Variants in BRINP3 observed in about 807,000 individuals in gnomAD.
BRINP3 encodes the protein BMP/retinoic acid-inducible neural-specific protein 3.
Under a neutral mutation model 71.0 loss-of-function variants are expected in BRINP3, and 19 were observed. That is an observed-to-expected ratio of 0.27 (90% CI 0.19 to 0.39). The LOEUF (loss-of-function observed/expected upper bound fraction) is 0.39. Ranked by LOEUF, BRINP3 falls within the 10% of genes least tolerant of loss-of-function variation. The probability of loss-of-function intolerance (pLI) is 1.00; values close to 1 mark genes in which losing one functional copy is unlikely to be tolerated. For synonymous variants in BRINP3, 380 were observed against 337.7 expected (o/e 1.13, Z -1.37); for missense variants, 959 against 940.8 (o/e 1.02, Z -0.25).
intron 4 of BRINP3, among the ~76,000 whole-genome samples, chr1:190,241,296 A>T (rs538803899): frequency 3.2e-4 from 48 of 152,210 alleles, no homozygotes; most frequent in African/African-American, 1.2e-3. Flanking sequence ...ATCTGGATGA[A>T]GTAGTTATCA....
chr1:190,159,361 C>G (rs933553192), intron 7 of BRINP3, among the ~76,000 whole-genome samples: 2 of 152,042 alleles, frequency 1.3e-5, no homozygotes, highest in African/African-American at 4.8e-5. Flanking sequence ...CATTTCTCCA[C>G]TTTGGTATAT....
chr1:190,404,039 AAG>A (rs1672107780), intron 2 of BRINP3, among the ~76,000 whole-genome samples: 1 of 152,204 alleles, frequency 6.6e-6, no homozygotes, highest in Admixed American at 6.5e-5. Context: ...AAAAAGTTCT[AAG>A]AGAGCTCAGG....
intron 2 of BRINP3, among the ~76,000 whole-genome samples, chr1:190,378,312 T>C (rs1253021712): frequency 6.6e-6 from 1 of 152,196 alleles, no homozygotes; most frequent in Non-Finnish European, 1.5e-5. Context: ...ATGTTTCTTT[T>C]ACATTGCTCT....
At chr1:190,334,521 G>A (rs1025186042) in intron 2 of BRINP3, among the ~76,000 whole-genome samples, 2 of 151,408 alleles carry the variant, frequency 1.3e-5, no homozygotes, top group Non-Finnish European at 3.0e-5. Context: ...CCTTATTTGA[G>A]GTGCATGACT....
intron 2 of BRINP3, among the ~76,000 whole-genome samples, chr1:190,332,639 T>A (rs1366038648): frequency 6.6e-6 from 1 of 151,978 alleles, no homozygotes; most frequent in Non-Finnish European, 1.5e-5. Context: ...TATTCATATG[T>A]TCCTTATTTC....
At chr1:190,172,333 A>C (rs1403347882) in intron 6 of BRINP3, among the ~76,000 whole-genome samples, 1 of 151,492 alleles carries the variant, frequency 6.6e-6, no homozygotes, top group Non-Finnish European at 1.5e-5. Context: ...TTATCATGTT[A>C]TGTTTATAAA....
intron 2 of BRINP3, among the ~76,000 whole-genome samples, chr1:190,403,676 G>A (rs1444279348): frequency 6.6e-6 from 1 of 152,128 alleles, no homozygotes; most frequent in Non-Finnish European, 1.5e-5. Context: ...ACTTTCTAGA[G>A]AAAACTGAGA....
chr1:190,320,341 G>C (rs775639080), intron 2 of BRINP3, among the ~76,000 whole-genome samples: 1 of 151,992 alleles, frequency 6.6e-6, no homozygotes, highest in Admixed American at 6.6e-5. Flanking sequence ...ATTGTGGTGA[G>C]TTAAATCAAG....
intron 2 of BRINP3, among the ~76,000 whole-genome samples, chr1:190,286,151 G>A (rs1319115676): frequency 6.6e-6 from 1 of 152,060 alleles, no homozygotes; most frequent in Non-Finnish European, 1.5e-5. Flanking sequence ...ATACTCTAAG[G>A]AGCCTCTATT....
At chr1:190,155,284 TAATATATTC>T (rs1473897830) in intron 7 of BRINP3, among the ~76,000 whole-genome samples, 1 of 152,116 alleles carries the variant, frequency 6.6e-6, no homozygotes, top group Non-Finnish European at 1.5e-5. Flanking sequence ...TTCATAATAA[TAATATATTC>T]AATTGTTTTA....
intron 7 of BRINP3, among the ~76,000 whole-genome samples, chr1:190,125,564 T>G (rs16832049): frequency 0.038 from 5,711 of 152,060 alleles, 359 homozygotes; most frequent in African/African-American, 0.13. Flanking sequence ...ATTTTCTGCA[T>G]GGTTCATTTG....
At chr1:190,314,965 G>A (rs1166790187) in intron 2 of BRINP3, among the ~76,000 whole-genome samples, 1 of 152,072 alleles carries the variant, frequency 6.6e-6, no homozygotes, top group Admixed American at 6.6e-5. Context: ...GACTTTATCA[G>A]GGGGCTAAAA....
intron 2 of BRINP3, among the ~76,000 whole-genome samples, chr1:190,333,723 C>G (rs189025278): frequency 1.2e-4 from 18 of 152,046 alleles, no homozygotes; most frequent in Non-Finnish European, 2.2e-4. Context: ...AACATCCATA[C>G]TAATTGATTA....
chr1:190,222,901 C>T (rs1219992751), intron 6 of BRINP3, among the ~76,000 whole-genome samples: 1 of 151,592 alleles, frequency 6.6e-6, no homozygotes, highest in African/African-American at 2.4e-5. Context: ...CAACTGCATG[C>T]CAACAAATTG....
chr1:190,348,148 G>C (rs1668145663), intron 2 of BRINP3, among the ~76,000 whole-genome samples: 1 of 152,120 alleles, frequency 6.6e-6, no homozygotes. Context: ...AACAGAAGTA[G>C]CTGTTCAGAA....
intron 7 of BRINP3, among the ~76,000 whole-genome samples, chr1:190,147,090 A>C (rs1655953563): frequency 6.6e-6 from 1 of 151,798 alleles, no homozygotes; most frequent in Non-Finnish European, 1.5e-5. Context: ...TAGGCTATTC[A>C]TTTTTATTTA....
At chr1:190,185,874 GAATATTCAAT>G (rs1341750599) in intron 6 of BRINP3, among the ~76,000 whole-genome samples, 1 of 151,950 alleles carries the variant, frequency 6.6e-6, no homozygotes, top group Non-Finnish European at 1.5e-5. Context: ...TTTGTGTTGG[GAATATTCAAT>G]ATCATCCTTC....
At chr1:190,464,698 T>C (rs1676623363) in intron 1 of BRINP3, among the ~76,000 whole-genome samples, 1 of 151,992 alleles carries the variant, frequency 6.6e-6, no homozygotes. Flanking sequence ...TATTGCACTT[T>C]TTTATTTTTC....
intron 2 of BRINP3, among the ~76,000 whole-genome samples, chr1:190,447,403 AT>A (rs1360834283): frequency 2.7e-5 from 4 of 147,496 alleles, no homozygotes; most frequent in Admixed American, 1.4e-4. Context: ...AATAAGATGT[AT>A]TAATTTCTTT....
Sources: gnomAD v4.1 joint callset for allele counts (sites outside exome capture counted in the v4.1 genomes callset) on GRCh38, gnomAD v4.1.1 for gene constraint, MANE v1.5 for transcripts, NCBI Gene and HGNC (gene_info 2026-07-23, HGNC 2026-07-21) for gene names.